Variants in KCNQ1 observed in about 807,000 individuals in gnomAD.
KCNQ1 encodes the protein potassium voltage-gated channel subfamily Q member 1.
KCNQ1 carries 49 observed loss-of-function variants against 72.4 expected under a neutral mutation model. The ratio of observed to expected loss-of-function variants is 0.68; its 90% CI spans 0.54 to 0.86. The LOEUF is 0.86. KCNQ1 is among the 40% of genes least tolerant of loss of function. The pLI, the probability that KCNQ1 is intolerant of heterozygous loss-of-function variation, is 0.00. For synonymous variants in KCNQ1, 450 were observed against 412.6 expected, an observed-to-expected ratio of 1.09 and a Z score of -1.10; for missense variants, 790 against 945.1, an observed-to-expected ratio of 0.84 and a Z score of 2.15.
In KCNQ1 at chr11:2,613,915, G is replaced by A. The variant is rs2133794177; in HGVS notation, c.1393+25061G>A. On this transcript the variant is annotated intron_variant, in intron 10 of 15. Transcript: ENST00000155840. The surrounding 1 kb of genome is among the most constrained non-coding windows in gnomAD (Gnocchi z 4.8). ...TCATTTCCCAAAAAAGTACTATTCT[G>A]TATATGCCCTTTTGAACTTTGCTTT... 1 of 398,496 alleles carries A rather than the reference G, an allele frequency of 2.5e-6. No individual in the cohort carries two copies. Among genetic ancestry groups the A allele is most frequent in the Non-Finnish European group, 4.4e-6 (1 of 226,032 alleles). The allele number at this position is 398,496 out of a possible 1,614,324, so 24.7% of individuals were successfully genotyped here.
rs963815029 is a variant in KCNQ1 at position 2,447,914 on chromosome 11, AC to A, written c.386+2437del. ...GGATATCCTGTCCCCTCCTCGGGGA[AC>A]CCCCCCTCCCCAGGAGAGCAGCTCT... On this transcript the variant is annotated intron_variant, in intron 1 of 15. Coordinates refer to ENST00000155840, the MANE Select transcript of KCNQ1 (RefSeq NM_000218.3). The surrounding 1 kb of genome is among the most constrained non-coding windows in gnomAD (Gnocchi z 7.6). Among the ~76,000 whole-genome samples the A allele has an allele frequency of 6.6e-5, 10 of 151,390 alleles. No individual in the cohort carries two copies. Among genetic ancestry groups the A allele is most frequent in the African/African-American group, 9.7e-5 (4 of 41,154 alleles).
intron 15 of KCNQ1, among the ~76,000 whole-genome samples, chr11:2,795,313 T>C (rs911884993): frequency 2.0e-5 from 3 of 152,246 alleles, no homozygotes; most frequent in African/African-American, 7.2e-5. Flanking sequence ...ACTGCACCCA[T>C]GTCTGGGGAG....
At chr11:2,708,171 C>T (rs1428470831) in intron 11 of KCNQ1, among the ~76,000 whole-genome samples, 3 of 152,160 alleles carry the variant, frequency 2.0e-5, no homozygotes, top group Admixed American at 6.5e-5. Flanking sequence ...CTGGGGAGTC[C>T]TCTGTGACTC....
At chr11:2,502,422 A>G (rs1467649231) in intron 1 of KCNQ1, among the ~76,000 whole-genome samples, 2 of 152,242 alleles carry the variant, frequency 1.3e-5, no homozygotes, top group African/African-American at 4.8e-5. Context: ...AAACAAATCA[A>G]GAAAGTAATC....
In KCNQ1 at chr11:2,799,701, C is replaced by T. The variant is rs1298863846; in HGVS notation, c.1794+21664C>T. Among the ~76,000 whole-genome samples the T allele has an allele frequency of 3.9e-5, 6 of 152,164 alleles. No homozygotes were observed. The East Asian group carries it at 1.2e-3, about 29-fold the overall frequency. ...GTAGTCACCGTTCTCCATCCTGTTACAGCAAATACCCTCCTCTGCATTTTT... is the reference window on the plus strand; with the variant it reads ...GTAGTCACCGTTCTCCATCCTGTTATAGCAAATACCCTCCTCTGCATTTTT... On this transcript the variant is annotated intron_variant, in intron 15 of 15. Transcript: ENST00000155840.
At chr11:2,811,504 A>G (rs1303310809) in intron 15 of KCNQ1, among the ~76,000 whole-genome samples, 2 of 152,230 alleles carry the variant, frequency 1.3e-5, no homozygotes, top group African/African-American at 2.4e-5. Flanking sequence ...TCACTGCCCT[A>G]AAGGCCGCAT....
chr11:2,580,650 C>T (rs1221454585), intron 6 of KCNQ1, among the ~76,000 whole-genome samples: 2 of 152,192 alleles, frequency 1.3e-5, no homozygotes, highest in South Asian at 2.1e-4. Context: ...AGCCCAGCCC[C>T]AGCAGATCAT....
rs532486083 is a variant in KCNQ1, at chr11:2,507,306, G to A, written c.387-20622G>A. 2.6e-5 allele frequency among the ~76,000 whole-genome samples: 4 copies of A among 152,270 alleles called. No individual in the cohort carries two copies. The highest frequency in any genetic ancestry group is 3.9e-4 in the East Asian group (2 of 5,174). On this transcript the variant is annotated intron_variant, in intron 1 of 15. Coordinates refer to ENST00000155840, the MANE Select transcript of KCNQ1 (RefSeq NM_000218.3). The surrounding 1 kb of genome is among the most constrained non-coding windows in gnomAD (Gnocchi z 5.4). Reference sequence around the variant, plus strand: ...TCACCCCACTGGCTGGGGCCTTCACGAGGCCCCTCTGGCCTCTAAGTGGAG... The same window carrying A: ...TCACCCCACTGGCTGGGGCCTTCACAAGGCCCCTCTGGCCTCTAAGTGGAG...
intron 2 of KCNQ1, among the ~76,000 whole-genome samples, chr11:2,546,196 T>A (rs1243004875): frequency 6.6e-6 from 1 of 152,216 alleles, no homozygotes; most frequent in African/African-American, 2.4e-5. Flanking sequence ...CCTTTTTAAC[T>A]TCTTCTCTGG....
intron 11 of KCNQ1, among the ~76,000 whole-genome samples, chr11:2,761,830 TCCC>T (rs915335240): frequency 6.6e-6 from 1 of 152,208 alleles, no homozygotes; most frequent in Non-Finnish European, 1.5e-5. Context: ...CTGCTTGCAG[TCCC>T]GGCCGGCTGT....
intron 10 of KCNQ1, chr11:2,637,142 T>G (rs1363460188): frequency 1.3e-5 from 2 of 152,204 alleles, no homozygotes; most frequent in African/African-American, 4.8e-5. Flanking sequence ...CCTCCTGGAT[T>G]CATTGATTTT....
In KCNQ1 at chr11:2,661,967, A is replaced by G. The variant is rs1410311667; in HGVS notation, c.1400A>G (p.Lys467Arg). The G allele has an allele frequency of 1.9e-6, 3 of 1,614,174 alleles. No homozygotes were observed. The highest frequency in any genetic ancestry group is 2.2e-5 in the South Asian group (2 of 91,088). ...CCCCACACTTTCTCCTCAGTAAGGA[A>G]GAGCCCAACACTGCTGGAAGTGAGC... is the stretch of plus-strand genomic sequence containing the variant. ...SVDGYDSSVR[K>R]SPTLLEVSMP... is the part of the protein sequence containing the mutation. Residue 467 changes from lysine to arginine, a missense_variant, in exon 11 of 16, where the codon AAG becomes AGG. Transcript: ENST00000155840. This position sits in a 1 kb window ranked among gnomAD's most constrained non-coding sequence, Gnocchi z 5.9.
At chr11:2,520,076 G>A (rs960598200) in intron 1 of KCNQ1, among the ~76,000 whole-genome samples, 18 of 152,246 alleles carry the variant, frequency 1.2e-4, no homozygotes, top group African/African-American at 3.6e-4. Flanking sequence ...ATGGCCTGAT[G>A]TGGCATTCCT....
In KCNQ1 at chr11:2,652,468, GA is replaced by G. The variant is rs1849772394; in HGVS notation, c.1394-9490del. On this transcript the variant is annotated intron_variant, in intron 10 of 15. Coordinates refer to ENST00000155840, the MANE Select transcript of KCNQ1 (RefSeq NM_000218.3). This position sits in a 1 kb window ranked among gnomAD's most constrained non-coding sequence, Gnocchi z 5.9. ...TGTTTTCTCCATCCAAAGACCTCCA[GA>G]AACTTTCCTCCCCACCTCTCCAGAG... 1 of 398,474 alleles carries G rather than the reference GA, an allele frequency of 2.5e-6. No homozygotes were observed. The highest frequency in any genetic ancestry group is 2.1e-5 in the African/African-American group (1 of 48,598). 24.7% of individuals were successfully genotyped at this position (398,474 alleles called of 1,614,324 possible).
Position 2,642,300 on chromosome 11 carries a change from G to A in KCNQ1, c.1394-19661G>A. 2.5e-6 allele frequency: 1 copy of A among 398,182 alleles called. No homozygotes were observed. Among genetic ancestry groups the A allele is most frequent in the Non-Finnish European group, 4.4e-6 (1 of 225,868 alleles). 24.7% of individuals were successfully genotyped at this position (398,182 alleles called of 1,614,324 possible). A position where few individuals can be genotyped will look rare whatever the true frequency, so the allele number is the denominator to read the frequency against. ...TTTCAATTTCTTTCATCAGACTTTT[G>A]TAGTTTTCCTTGTTAGAGGTTTCTC... is the stretch of plus-strand genomic sequence containing the variant. On this transcript the variant is annotated intron_variant, in intron 10 of 15. Coordinates refer to ENST00000155840, the MANE Select transcript of KCNQ1 (RefSeq NM_000218.3). This position sits in a 1 kb window ranked among gnomAD's most constrained non-coding sequence, Gnocchi z 4.3.
chr11:2,591,139 G>A (rs1433467678), intron 10 of KCNQ1, among the ~76,000 whole-genome samples: 3 of 152,254 alleles, frequency 2.0e-5, no homozygotes, highest in Non-Finnish European at 4.4e-5. Context: ...ATGGCAGAGA[G>A]GGGACAAACC....
At chr11:2,841,855 G>C (rs986586215) in intron 15 of KCNQ1, among the ~76,000 whole-genome samples, 1 of 152,174 alleles carries the variant, frequency 6.6e-6, no homozygotes, top group Non-Finnish European at 1.5e-5. Context: ...CAGGGGGAAG[G>C]GTCTTTCTTT....
chr11:2,608,844 G>A lies in KCNQ1; in HGVS notation c.1393+19990G>A. On this transcript the variant is annotated intron_variant, in intron 10 of 15. Transcript: ENST00000155840. This position sits in a 1 kb window ranked among gnomAD's most constrained non-coding sequence, Gnocchi z 4.6. ...CATTCATTTCTGATTTTAGTAATTT[G>A]AGTTTTCTCTCTCCCCCTTTGCCTC... The A allele has an allele frequency of 2.5e-6, 1 of 398,324 alleles. No individual in the cohort carries two copies. Among genetic ancestry groups the A allele is most frequent in the Non-Finnish European group, 4.4e-6 (1 of 226,000 alleles). 24.7% of individuals were successfully genotyped at this position (398,324 alleles called of 1,614,324 possible).
chr11:2,633,853 A>G (rs1220809874), intron 10 of KCNQ1: 1 of 398,468 alleles, frequency 2.5e-6, no homozygotes, highest in Non-Finnish European at 4.4e-6. Flanking sequence ...GCCCTGTGTA[A>G]TGCGCATATA....
Sources: gnomAD v4.1 joint callset for allele counts (sites outside exome capture counted in the v4.1 genomes callset) on GRCh38, gnomAD v4.1.1 for gene constraint, Gnocchi (gnomAD v3.1) non-coding constraint, MANE v1.5 for transcripts, NCBI Gene and HGNC (gene_info 2026-07-23, HGNC 2026-07-21) for gene names.